Variants in ERG observed in about 807,000 individuals in gnomAD.
ERG encodes transcriptional regulator ERG.
Under a neutral mutation model 55.3 loss-of-function variants are expected in ERG, and 9 were observed. That is an observed-to-expected ratio of 0.16 (90% CI 0.10 to 0.28). The LOEUF is 0.28. ERG is among the 10% of genes least tolerant of loss of function. The pLI, the probability that ERG is intolerant of heterozygous loss-of-function variation, is 1.00. For missense variants in ERG, 434 were observed against 631.6 expected (o/e 0.69, Z 3.35); for synonymous variants, 223 against 237.3 (o/e 0.94, Z 0.55).
At chr21:38,392,583 G>A (rs1170871076) in intron 6 of ERG, 139 bp from the exon 7 acceptor site, 6 of 585,192 alleles carry the variant, frequency 1.0e-5, no homozygotes, top group Non-Finnish European at 1.7e-5. Flanking sequence ...TATCCCACTA[G>A]ATTTGAGTTT....
intron 2 of ERG, among the ~76,000 whole-genome samples, chr21:38,575,156 TA>T (rs1400397138): frequency 6.6e-6 from 1 of 152,132 alleles, no homozygotes; most frequent in Non-Finnish European, 1.5e-5. Flanking sequence ...CGAGCCCAGA[TA>T]AAACAACGTT....
chr21:38,607,391 C>A (rs202131040), intron 1 of ERG, among the ~76,000 whole-genome samples: 4 of 152,164 alleles, frequency 2.6e-5, no homozygotes, highest in East Asian at 3.9e-4. Flanking sequence ...GTAATCCCAG[C>A]GCCTCCTGAG....
intron 2 of ERG, among the ~76,000 whole-genome samples, chr21:38,574,828 GTCAATTACT>G (rs1422587092): frequency 6.6e-6 from 1 of 152,224 alleles, no homozygotes; most frequent in African/African-American, 2.4e-5. Flanking sequence ...TGGCCATGCA[GTCAATTACT>G]TTGGCCAGCA....
intron 1 of ERG, among the ~76,000 whole-genome samples, chr21:38,649,262 C>T (rs2060474677): frequency 6.6e-6 from 1 of 152,148 alleles, no homozygotes; most frequent in South Asian, 2.1e-4. Flanking sequence ...TTCTGTCTCC[C>T]CTGTGGCGCT....
In ERG at chr21:38,460,391, T is replaced by A. The variant is rs1008958844; in HGVS notation, c.19-14770A>T. On this transcript the variant is annotated intron_variant, in intron 1 of 9. Coordinates refer to ENST00000288319, the MANE Select transcript of ERG (RefSeq NM_182918.4). The surrounding 1 kb of genome is among the most constrained non-coding windows in gnomAD (Gnocchi z 5.0). ...TTCTGTGTTGCACTAATATTTTCCA[T>A]CTCATAAGGGTTCTGCAAAGAAAAT... Among the ~76,000 whole-genome samples the A allele has an allele frequency of 1.3e-5, 2 of 152,222 alleles. No individual in the cohort carries two copies. Among genetic ancestry groups the A allele is most frequent in the Non-Finnish European group, 2.9e-5 (2 of 68,044 alleles).
intron 1 of ERG, among the ~76,000 whole-genome samples, chr21:38,634,872 A>G (rs1169118649): frequency 6.6e-6 from 1 of 152,220 alleles, no homozygotes; most frequent in East Asian, 1.9e-4. Flanking sequence ...AAGAACATGA[A>G]GATAACTGCT....
rs1437302539 is a variant in ERG, at chr21:38,445,575, G to A, written c.65C>T (p.Ala22Val). The A allele has an allele frequency of 4.3e-6, 7 of 1,614,062 alleles. No individual in the cohort carries two copies. The highest frequency in any genetic ancestry group is 5.9e-6 in the Non-Finnish European group (7 of 1,180,004). Residue 22 changes from alanine to valine, a missense_variant, in exon 2 of 10, where the codon GCC (alanine) becomes GTC (valine). Coordinates refer to ENST00000288319, the MANE Select transcript of ERG (RefSeq NM_182918.4). The part of the protein sequence containing the change: ...VSEDQSLFEC[A>V]YGTPHLAKTE... Reference sequence around the variant, plus strand: ...CTTAGCCAGGTGTGGCGTTCCGTAGGCACACTCAAACAACGACTGGTCCTC... The same window carrying A: ...CTTAGCCAGGTGTGGCGTTCCGTAGACACACTCAAACAACGACTGGTCCTC...
At chr21:38,594,010 C>CAAA (rs531850366) in intron 1 of ERG, among the ~76,000 whole-genome samples, 159 of 147,816 alleles carry the variant, frequency 1.1e-3, no homozygotes, top group African/African-American at 2.7e-3. Flanking sequence ...ACATTGTTGA[C>CAAA]AAAAAAAAAA....
rs1483554782 is a variant in ERG, at chr21:38,536,277, C to T, written c.-41+39385G>A. Among the ~76,000 whole-genome samples the T allele has an allele frequency of 6.2e-5, 8 of 129,904 alleles. No homozygotes were observed. The East Asian group carries it at 1.8e-3, about 29-fold the overall frequency. 85.2% of individuals were successfully genotyped at this position (129,904 alleles called of 152,430 possible). ...TCATCAAGCCATATCTCCACCTAGG[C>T]TCTATACTGGAAAGCTGGTCAGTAG... On this transcript the variant is annotated intron_variant, in intron 2 of 8. Coordinates refer to the ERG transcript ENST00000398897.
chr21:38,644,719 C>T (rs144561095), intron 1 of ERG, among the ~76,000 whole-genome samples: 29 of 152,174 alleles, frequency 1.9e-4, no homozygotes, highest in Middle Eastern at 6.8e-3. Context: ...GAAAAAATTG[C>T]CATACAAAAA....
At chr21:38,427,228 C>A (rs549787332) in intron 2 of ERG, among the ~76,000 whole-genome samples, 150 of 152,240 alleles carry the variant, frequency 9.9e-4, no homozygotes, top group African/African-American at 3.2e-3. Flanking sequence ...GCGCCTGCCA[C>A]CACGCCTGGC....
intron 3 of ERG, among the ~76,000 whole-genome samples, chr21:38,408,598 C>T (rs958764729): frequency 2.6e-5 from 4 of 152,218 alleles, no homozygotes; most frequent in Non-Finnish European, 5.9e-5. Context: ...GAGTTCAGGT[C>T]AGTGCACTGG....
At chr21:38,443,775 A>G (rs2058863531) in intron 2 of ERG, among the ~76,000 whole-genome samples, 1 of 152,148 alleles carries the variant, frequency 6.6e-6, no homozygotes, top group South Asian at 2.1e-4. Context: ...ATGAGATTCA[A>G]AAATATTTAC....
chr21:38,590,326 GGGA>G, intron 1 of ERG, among the ~76,000 whole-genome samples: 1 of 152,292 alleles, frequency 6.6e-6, no homozygotes, highest in East Asian at 1.9e-4. Flanking sequence ...AGTGGGAATG[GGGA>G]GGAGAGCAGG....
At chr21:38,596,973 CT>C (rs1478502694) in intron 1 of ERG, among the ~76,000 whole-genome samples, 1 of 152,224 alleles carries the variant, frequency 6.6e-6, no homozygotes, top group Non-Finnish European at 1.5e-5. Context: ...CACTGAGACT[CT>C]TGTGTAGGTA....
intron 2 of ERG, among the ~76,000 whole-genome samples, chr21:38,550,810 C>G (rs532025088): frequency 6.6e-6 from 1 of 152,188 alleles, no homozygotes; most frequent in East Asian, 1.9e-4. Context: ...AAATGGGACT[C>G]GGGTTCACAC....
In ERG at chr21:38,381,708, G is replaced by A; in HGVS notation, c.*1695C>T. On this transcript the variant is annotated 3_prime_UTR_variant, in exon 10 of 10. Transcript: ENST00000288319. ...GGAATTAAGGGTGATTTGTGACCAG[G>A]TGCTGAACTAGAATTTCTCAATGAC... 9.4e-7 allele frequency: 1 copy of A among 1,063,570 alleles called. No homozygotes were observed. Among genetic ancestry groups the A allele is most frequent in the Non-Finnish European group, 1.1e-6 (1 of 878,228 alleles). 65.9% of individuals were successfully genotyped at this position (1,063,570 alleles called of 1,614,324 possible).
chr21:38,454,065 C>A (rs1294307793), intron 1 of ERG, among the ~76,000 whole-genome samples: 1 of 152,154 alleles, frequency 6.6e-6, no homozygotes, highest in Non-Finnish European at 1.5e-5. Flanking sequence ...AGGGCTGTTT[C>A]TACTCTTGAC....
At chr21:38,581,876 T>C (rs1430269025) in intron 1 of ERG, among the ~76,000 whole-genome samples, 1 of 151,924 alleles carries the variant, frequency 6.6e-6, no homozygotes, top group Non-Finnish European at 1.5e-5. Context: ...ACCCCATCTC[T>C]ACTGAAAATA....
Sources: allele counts gnomAD v4.1 joint callset (sites outside exome capture counted in the v4.1 genomes callset), GRCh38; gene constraint gnomAD v4.1.1; non-coding constraint Gnocchi (gnomAD v3.1); transcripts MANE v1.5; gene names NCBI Gene and HGNC (gene_info 2026-07-23, HGNC 2026-07-21).